The following KDM6A variants were observed in gnomAD, a reference collection of about 807,000 sequenced individuals.
The protein encoded by KDM6A is lysine demethylase 6A.
A neutral mutation model predicts 117.6 loss-of-function variants in KDM6A; 11 were observed. The observed-to-expected ratio is 0.09, with a 90% CI of 0.06 to 0.15. The LOEUF is 0.15. KDM6A is among the 10% of genes least tolerant of loss of function. KDM6A has a pLI of 1.00. For missense variants in KDM6A, 799 were observed against 1,077.3 expected (o/e 0.74, Z 3.62); for synonymous variants, 384 against 396.1 (o/e 0.97, Z 0.36).
intron 18 of KDM6A, among the ~76,000 whole-genome samples, chrX:45,071,135 C>T (rs1421577201): frequency 1.8e-5 from 2 of 111,969 alleles, no homozygotes; most frequent in African/African-American, 6.5e-5. Context: ...GTGACTAAAT[C>T]TTGAATGAAA....
At chrX:45,082,477 T>C in intron 21 of KDM6A, 99 bp from the exon 22 acceptor site, 1 of 563,616 alleles carries the variant, frequency 1.8e-6, no homozygotes, top group Non-Finnish European at 3.1e-6. Context: ...ACACAAATAA[T>C]ACTATTCAAT....
At chrX:45,082,867 C>A in intron 23 of KDM6A, 78 bp downstream of exon 23, 1 of 646,163 alleles carries the variant, frequency 1.5e-6, no homozygotes, top group South Asian at 2.5e-5. Flanking sequence ...TCTACAATTT[C>A]CTCTTCTGTT....
intron 2 of KDM6A, among the ~76,000 whole-genome samples, chrX:44,940,339 C>G (rs2037225975): frequency 9.0e-6 from 1 of 111,598 alleles, no homozygotes; most frequent in Non-Finnish European, 1.9e-5. Flanking sequence ...CAGCCATGAG[C>G]CACCATGCCT....
At chrX:44,972,905 C>T (rs771935159) in intron 3 of KDM6A, among the ~76,000 whole-genome samples, 9 of 109,827 alleles carry the variant, frequency 8.2e-5, no homozygotes, top group African/African-American at 3.0e-4. Context: ...CATGGTGGCA[C>T]GCGCCTGTAA....
chrX:44,992,132 A>G (rs1299311730), intron 4 of KDM6A, among the ~76,000 whole-genome samples: 1 of 108,827 alleles, frequency 9.2e-6, no homozygotes, highest in Non-Finnish European at 1.9e-5. Context: ...ATACCTTTCT[A>G]CAAAATAAGA....
At chrX:44,982,594 A>T (rs1291744749) in intron 4 of KDM6A, among the ~76,000 whole-genome samples, 1 of 111,930 alleles carries the variant, frequency 8.9e-6, no homozygotes, top group Non-Finnish European at 1.9e-5. Flanking sequence ...TTTTTTGGGT[A>T]TGCTAATTAT....
intron 2 of KDM6A, among the ~76,000 whole-genome samples, chrX:44,905,158 A>G (rs1410145805): frequency 8.9e-6 from 1 of 112,204 alleles, no homozygotes; most frequent in Non-Finnish European, 1.9e-5. Context: ...AGACAACATA[A>G]TGACTCAGTT....
chrX:44,990,101 C>T lies in KDM6A; in HGVS notation c.384+15386C>T, dbSNP rs1402724061. ...GAAGGCAAAGGCCAGATCATAAATG[C>T]GTTTGCAACAGTTAGCACTGTTTTG... On this transcript the variant is annotated intron_variant, in intron 4 of 29. Transcript: ENST00000611820. Among the ~76,000 whole-genome samples, 4 of 112,078 alleles carry T rather than the reference C, an allele frequency of 3.6e-5. 1 individual carries two copies. The highest frequency in any genetic ancestry group is 1.3e-4 in the African/African-American group (4 of 30,785).
chrX:45,005,456 A>AT (rs745868789), intron 4 of KDM6A, among the ~76,000 whole-genome samples: 6 of 111,645 alleles, frequency 5.4e-5, no homozygotes, highest in East Asian at 5.7e-4. Flanking sequence ...AACAGAGGGC[A>AT]TAGCCTAGTT....
At position 45,083,316 on chromosome X, in the gene KDM6A, A is replaced by C. The variant is rs145539561; in HGVS notation, c.3441-144A>C. The stretch of plus-strand genomic sequence containing the variant: ...AAGTTTTCTTTGGAAAAAATTAAAA[A>C]TTTAAGCATTTTCTTATGGAAAAGT... On this transcript the variant is annotated intron_variant, in intron 23 of 29. Coordinates refer to ENST00000611820, the MANE Select transcript of KDM6A (RefSeq NM_001291415.2). 189 of 522,667 alleles carry C rather than the reference A, an allele frequency of 3.6e-4. No homozygotes were observed. In the East Asian group the frequency reaches 5.9e-3, roughly 16 times the overall value. The allele number at this position is 522,667 out of a possible 1,213,427, so 43.1% of individuals were successfully genotyped here. A position where few individuals can be genotyped will look rare whatever the true frequency, so the allele number is the denominator to read the frequency against.
chrX:45,060,267 C>T, intron 13 of KDM6A, 111 bp downstream of exon 13: 1 of 1,113,543 alleles, frequency 9.0e-7, no homozygotes, highest in Non-Finnish European at 1.2e-6. Context: ...AATGAAAAGC[C>T]TTTTGATTTA....
intron 10 of KDM6A, among the ~76,000 whole-genome samples, chrX:45,057,959 ATG>A (rs1173202115): frequency 1.8e-5 from 2 of 110,058 alleles, no homozygotes; most frequent in Admixed American, 2.0e-4. Flanking sequence ...ATGTATGTAT[ATG>A]TGTGTGTTGT....
intron 25 of KDM6A, among the ~76,000 whole-genome samples, chrX:45,087,125 G>A (rs2045674072): frequency 1.8e-5 from 2 of 112,371 alleles, no homozygotes; most frequent in East Asian, 2.8e-4. Flanking sequence ...TGAGTAGCTG[G>A]GATTACAGGG....
intron 8 of KDM6A, among the ~76,000 whole-genome samples, chrX:45,045,515 G>C (rs1025538007): frequency 1.9e-5 from 2 of 106,557 alleles, no homozygotes; most frequent in African/African-American, 6.9e-5. Context: ...GAATCCAGGA[G>C]GTGGAGGTTG....
chrX:45,067,662 T>G (rs1030050507), intron 17 of KDM6A, among the ~76,000 whole-genome samples: 2 of 98,306 alleles, frequency 2.0e-5, no homozygotes, highest in Non-Finnish European at 4.0e-5. Context: ...TGTTTTTTTT[T>G]TTTTTTTTGA....
intron 4 of KDM6A, among the ~76,000 whole-genome samples, chrX:44,978,245 AT>A (rs1355953612): frequency 8.9e-6 from 1 of 112,475 alleles, no homozygotes; most frequent in East Asian, 2.8e-4. Context: ...AGTGTGAACA[AT>A]ATTTAAGATT....
intron 2 of KDM6A, among the ~76,000 whole-genome samples, chrX:44,882,129 G>A (rs1044781496): frequency 8.9e-6 from 1 of 111,821 alleles, no homozygotes; most frequent in Non-Finnish European, 1.9e-5. Flanking sequence ...AATTGTTTTA[G>A]ACAAAGGGTT....
intron 26 of KDM6A, 149 bp from the exon 27 acceptor site, chrX:45,090,574 G>T: frequency 1.7e-6 from 1 of 579,376 alleles, no homozygotes; most frequent in Non-Finnish European, 2.7e-6. Flanking sequence ...TATTACTACT[G>T]TAATTATCAT....
intron 2 of KDM6A, among the ~76,000 whole-genome samples, chrX:44,952,818 A>G (rs960267641): frequency 9.0e-6 from 1 of 110,693 alleles, no homozygotes; most frequent in Non-Finnish European, 1.9e-5. Flanking sequence ...GTCTCACTGC[A>G]TTGCCCAGGC....
Sources: allele counts gnomAD v4.1 joint callset (sites outside exome capture counted in the v4.1 genomes callset), GRCh38; gene constraint gnomAD v4.1.1; transcripts MANE v1.5; gene names NCBI Gene and HGNC (gene_info 2026-07-23, HGNC 2026-07-21).